The following LYRM4 variants were observed in gnomAD, a reference collection of about 807,000 sequenced individuals.
LYRM4 encodes the protein LYR motif-containing protein 4.
In LYRM4, 9 loss-of-function variants were observed where a neutral mutation model predicts 11.7. The observed-to-expected ratio is 0.77, with a 90% CI of 0.46 to 1.34. The LOEUF (loss-of-function observed/expected upper bound fraction) is 1.34, where lower values mean the gene tolerates loss of function less well. LYRM4 is among the 40% of genes most tolerant of loss of function. LYRM4 has a pLI of 0.00. For missense variants in LYRM4, 133 were observed against 112.5 expected (o/e 1.18, Z -0.82); for synonymous variants, 42 against 40.4 (o/e 1.04, Z -0.15).
At chr6:5,231,351 C>A (rs970896531) in intron 1 of LYRM4, among the ~76,000 whole-genome samples, 2 of 152,164 alleles carry the variant, frequency 1.3e-5, no homozygotes, top group African/African-American at 4.8e-5. Context: ...AGAGCATAGT[C>A]AAAACCTTGC....
chr6:5,120,516 G>A (rs1317318654), intron 2 of LYRM4, among the ~76,000 whole-genome samples: 1 of 152,184 alleles, frequency 6.6e-6, no homozygotes, highest in East Asian at 1.9e-4. Flanking sequence ...ATTTATTGTG[G>A]AGAGCGAAGG....
intron 2 of LYRM4, among the ~76,000 whole-genome samples, chr6:5,212,700 G>T (rs999851740): frequency 3.9e-5 from 6 of 152,216 alleles, no homozygotes; most frequent in Non-Finnish European, 8.8e-5. Context: ...AAAGGTAGAA[G>T]AATGTCTCTG....
rs566043271 is a variant in LYRM4 at position 5,224,214 on chromosome 6, G to A, written c.87-7476C>T. On this transcript the variant is annotated intron_variant, in intron 1 of 2. Transcript: ENST00000330636. ...AATACAAATAGCACATATAAATTGAGAAGACAATAAGACCACAGTAAATAA... is the reference window on the plus strand; with the variant it reads ...AATACAAATAGCACATATAAATTGAAAAGACAATAAGACCACAGTAAATAA... Among the ~76,000 whole-genome samples the A allele has an allele frequency of 2.0e-5, 3 of 152,282 alleles. No homozygotes were observed. The South Asian group carries it at 6.2e-4, about 32-fold the overall frequency.
At position 5,220,498 on chromosome 6, in the gene LYRM4, T is replaced by G. The variant is rs536845843; in HGVS notation, c.87-3760A>C. On this transcript the variant is annotated intron_variant, in intron 1 of 2. Coordinates refer to ENST00000330636, the MANE Select transcript of LYRM4 (RefSeq NM_020408.6). ...ACAATAAAAGCTGAATCCTTTCTAC[T>G]GGCCTCTGTGGGGCAAACTCATCTA... Among the ~76,000 whole-genome samples, 178 of 152,340 alleles carry G rather than the reference T, an allele frequency of 1.2e-3. 1 individual carries two copies. The highest frequency in any genetic ancestry group is 2.5e-3 in the Admixed American group (38 of 15,304).
At chr6:5,161,319 AT>A (rs1225410889) in intron 2 of LYRM4, among the ~76,000 whole-genome samples, 1 of 152,208 alleles carries the variant, frequency 6.6e-6, no homozygotes, top group African/African-American at 2.4e-5. Context: ...AATATAAGAA[AT>A]GCAAAAACCT....
chr6:5,246,208 G>A (rs1764189342), intron 1 of LYRM4, among the ~76,000 whole-genome samples: 1 of 152,142 alleles, frequency 6.6e-6, no homozygotes, highest in African/African-American at 2.4e-5. Flanking sequence ...ACAGCCGTGT[G>A]GCACTATTAA....
chr6:5,257,962 T>C (rs1265537681), intron 1 of LYRM4, among the ~76,000 whole-genome samples: 1 of 151,950 alleles, frequency 6.6e-6, no homozygotes, highest in Non-Finnish European at 1.5e-5. Flanking sequence ...GTGGAAGCTG[T>C]GGGATGAAGA....
the LYRM4 span, among the ~76,000 whole-genome samples, chr6:5,095,713 C>A: frequency 2.0e-5 from 3 of 152,206 alleles, no homozygotes; most frequent in Non-Finnish European, 4.4e-5. Flanking sequence ...CGTGGTGGCT[C>A]ACACCTATAA....
At chr6:5,037,619 G>T in the LYRM4 span, among the ~76,000 whole-genome samples, 4 of 74,908 alleles carry the variant, frequency 5.3e-5, 1 homozygote, top group East Asian at 2.3e-3. Flanking sequence ...CCCGGACGGG[G>T]CGGCTGGCCG....
chr6:5,251,430 T>C (rs1314441603), intron 1 of LYRM4, among the ~76,000 whole-genome samples: 1 of 152,190 alleles, frequency 6.6e-6, no homozygotes, highest in Non-Finnish European at 1.5e-5. Context: ...ATTGTGATGC[T>C]GGCATCTGCT....
intron 1 of LYRM4, among the ~76,000 whole-genome samples, chr6:5,248,033 T>C (rs192826691): frequency 1.3e-5 from 2 of 152,348 alleles, no homozygotes; most frequent in East Asian, 1.9e-4. Flanking sequence ...ATGCCTGCAA[T>C]GTCCAGATGC....
chr6:5,104,524 T>G (rs751397173), downstream of LYRM4: 8 of 152,080 alleles, frequency 5.3e-5, no homozygotes, highest in Non-Finnish European at 1.2e-4. Flanking sequence ...ATCTGCCCAC[T>G]TCGGCCTCTC....
chr6:5,115,240 A>T (rs1448245658), intron 2 of LYRM4, among the ~76,000 whole-genome samples: 1 of 152,234 alleles, frequency 6.6e-6, no homozygotes, highest in Non-Finnish European at 1.5e-5. Flanking sequence ...TTGGATAAAC[A>T]GATATGAATA....
At chr6:5,242,095 T>TA (rs1434953502) in intron 1 of LYRM4, among the ~76,000 whole-genome samples, 1 of 149,914 alleles carries the variant, frequency 6.7e-6, no homozygotes, top group East Asian at 2.0e-4. Flanking sequence ...TTTTTTGAGA[T>TA]AGAGTCTCAC....
At chr6:5,247,827 TA>T (rs1764261062) in intron 1 of LYRM4, among the ~76,000 whole-genome samples, 1 of 152,200 alleles carries the variant, frequency 6.6e-6, no homozygotes, top group South Asian at 2.1e-4. Flanking sequence ...AGAGCAGACA[TA>T]ATCAACTAAT....
At chr6:5,231,477 T>G (rs922660497) in intron 1 of LYRM4, among the ~76,000 whole-genome samples, 15 of 147,488 alleles carry the variant, frequency 1.0e-4, no homozygotes, top group African/African-American at 4.0e-4. Flanking sequence ...ATCAGCTAAC[T>G]TTACTTCACT....
chr6:5,144,346 T>C lies in LYRM4; in HGVS notation c.208-34855A>G, dbSNP rs1169504060. ...AGAAGTGGCTTACGTGTAAGAAATA[T>C]GTCAGGTGAGGCCGGGTGCGGTGGC... On this transcript the variant is annotated intron_variant, in intron 2 of 2. Coordinates refer to ENST00000330636, the MANE Select transcript of LYRM4 (RefSeq NM_020408.6). 3.6e-5 allele frequency: 54 copies of C among 1,487,684 alleles called. 1 individual carries two copies. In the Admixed American group the frequency reaches 1.0e-3, roughly 29 times the overall value. The allele number at this position is 1,487,684 out of a possible 1,614,324, so 92.2% of individuals were successfully genotyped here.
chr6:5,138,041 T>C lies in LYRM4; in HGVS notation c.208-28550A>G, dbSNP rs563966016. Among the ~76,000 whole-genome samples, 462 of 152,168 alleles carry C rather than the reference T, an allele frequency of 3.0e-3. 2 individuals are homozygous for C. Among genetic ancestry groups the C allele is most frequent in the African/African-American group, 0.011 (446 of 41,524 alleles). On this transcript the variant is annotated intron_variant, in intron 2 of 2. Transcript: ENST00000330636. Reference sequence around the variant, plus strand: ...TGGGGAAGGTGGTGGCTCCACAAGTTGCAAAGAAAAATACAATGGTGCTGT... The same window carrying C: ...TGGGGAAGGTGGTGGCTCCACAAGTCGCAAAGAAAAATACAATGGTGCTGT...
At chr6:5,035,113 G>A in the LYRM4 span, among the ~76,000 whole-genome samples, 5 of 152,170 alleles carry the variant, frequency 3.3e-5, no homozygotes, top group South Asian at 8.3e-4. Context: ...GTGACCAGAC[G>A]CTCACAGAAC....
Sources: gnomAD v4.1 joint callset for allele counts (sites outside exome capture counted in the v4.1 genomes callset) on GRCh38, gnomAD v4.1.1 for gene constraint, MANE v1.5 for transcripts, NCBI Gene and HGNC (gene_info 2026-07-23, HGNC 2026-07-21) for gene names.